The following AP3B1 variants were observed in gnomAD, a reference collection of about 807,000 sequenced individuals.
AP3B1 encodes AP-3 complex subunit beta-1.
A neutral mutation model predicts 132.5 loss-of-function variants in AP3B1; 61 were observed. The observed-to-expected ratio is 0.46, with a 90% confidence interval of 0.37 to 0.57. The LOEUF is 0.57. AP3B1 is among the 20% of genes least tolerant of loss of function. The pLI is 0.00. For synonymous variants in AP3B1, 388 were observed against 438.3 expected (o/e 0.89, Z 1.43); for missense variants, 1,120 against 1,289.4 (o/e 0.87, Z 2.01).
intron 25 of AP3B1, among the ~76,000 whole-genome samples, chr5:78,017,004 G>A (rs1303879868): frequency 2.6e-5 from 4 of 152,110 alleles, no homozygotes; most frequent in Middle Eastern, 3.4e-3. Context: ...CCTGTTTCCC[G>A]CAGCATGTAA....
intron 14 of AP3B1, among the ~76,000 whole-genome samples, chr5:78,145,504 G>A (rs1295935759): frequency 1.3e-5 from 2 of 152,176 alleles, no homozygotes; most frequent in East Asian, 1.9e-4. Context: ...ACTGGGTAGC[G>A]ACAAAATGAG....
chr5:78,084,585 G>C (rs1580325387), intron 22 of AP3B1, among the ~76,000 whole-genome samples: 1 of 141,896 alleles, frequency 7.0e-6, no homozygotes, highest in Admixed American at 7.0e-5. Flanking sequence ...GAAAAGGAAA[G>C]GAAAAAGACC....
chr5:78,056,896 C>T (rs1748838608), intron 22 of AP3B1, among the ~76,000 whole-genome samples: 2 of 152,310 alleles, frequency 1.3e-5, no homozygotes, highest in South Asian at 4.1e-4. Context: ...TTTTGTACTA[C>T]AAGCCGAAAA....
At chr5:78,240,021 T>A (rs1747058072) in intron 3 of AP3B1, among the ~76,000 whole-genome samples, 1 of 152,140 alleles carries the variant, frequency 6.6e-6, no homozygotes, top group Non-Finnish European at 1.5e-5. Context: ...AAATCATAAC[T>A]ACAAAATTAG....
At chr5:78,158,895 G>A (rs529836278) in intron 13 of AP3B1, among the ~76,000 whole-genome samples, 3 of 151,964 alleles carry the variant, frequency 2.0e-5, no homozygotes, top group South Asian at 4.2e-4. Flanking sequence ...ATGGGGTTTC[G>A]CCATGTTGGG....
chr5:78,199,824 C>T (rs944579921), intron 7 of AP3B1, among the ~76,000 whole-genome samples: 3 of 151,954 alleles, frequency 2.0e-5, no homozygotes, highest in Non-Finnish European at 2.9e-5. Flanking sequence ...CTCCACAAAA[C>T]ACCAACTTAA....
chr5:78,128,156 T>G lies in AP3B1; in HGVS notation c.1842A>C (p.Arg614Ser). The stretch of plus-strand genomic sequence containing the variant: ...ATAAGGTGCCAAGCTGGAAATGATC[T>G]CTATCTATTAAAAATAGGGAAAAAT... ...APLLESPFKD[R>S]DHFQLGTLSH... The change falls in exon 17 of 27, where the codon AGA (arginine) becomes AGC (serine). Residue 614 changes from arginine (R) to serine (S), a missense_variant. Physicochemically the swap from Arg to Ser is moderately radical, Grantham distance 110. Transcript: ENST00000255194. 1 of 1,602,280 alleles carries G rather than the reference T, an allele frequency of 6.2e-7. No homozygotes were observed. The highest frequency in any genetic ancestry group is 1.7e-5 in the Admixed American group (1 of 59,890).
intron 8 of AP3B1, among the ~76,000 whole-genome samples, chr5:78,179,427 C>T (rs1478661378): frequency 1.3e-5 from 2 of 152,064 alleles, no homozygotes; most frequent in African/African-American, 2.4e-5. Flanking sequence ...TCTTTTTCCT[C>T]GGTATTTAGA....
At chr5:78,145,145 T>C (rs532385474) in intron 14 of AP3B1, among the ~76,000 whole-genome samples, 2 of 152,364 alleles carry the variant, frequency 1.3e-5, no homozygotes, top group African/African-American at 4.8e-5. Flanking sequence ...GAATTCAAAA[T>C]GTAAAATACA....
chr5:78,073,245 G>C (rs1749621933), intron 22 of AP3B1, among the ~76,000 whole-genome samples: 1 of 152,094 alleles, frequency 6.6e-6, no homozygotes, highest in Admixed American at 6.6e-5. Flanking sequence ...CTCATGTTAA[G>C]AGATTTAATA....
At chr5:78,219,827 C>G (rs1746106078) in intron 6 of AP3B1, among the ~76,000 whole-genome samples, 2 of 152,054 alleles carry the variant, frequency 1.3e-5, no homozygotes, top group Admixed American at 1.3e-4. Context: ...TCAAAATCAA[C>G]AGAGGTTAAA....
intron 15 of AP3B1, among the ~76,000 whole-genome samples, chr5:78,136,851 A>C (rs1470089394): frequency 2.6e-5 from 4 of 152,188 alleles, no homozygotes; most frequent in Admixed American, 1.3e-4. Context: ...ATGATTTTAG[A>C]AGCATACATG....
At chr5:78,018,682 A>ACT (rs1365568393) in intron 25 of AP3B1, among the ~76,000 whole-genome samples, 3 of 151,824 alleles carry the variant, frequency 2.0e-5, no homozygotes, top group African/African-American at 7.3e-5. Flanking sequence ...ACACACACAC[A>ACT]CACACACACA....
At chr5:78,275,988 A>G (rs1441913162) in intron 1 of AP3B1, among the ~76,000 whole-genome samples, 2 of 152,228 alleles carry the variant, frequency 1.3e-5, no homozygotes, top group Non-Finnish European at 2.9e-5. Context: ...TTTGAAAGGT[A>G]TAAGAATCAG....
intron 18 of AP3B1, 67 bp downstream of exon 18, chr5:78,116,059 T>C (rs1228804032): frequency 2.5e-6 from 3 of 1,195,472 alleles, no homozygotes; most frequent in Non-Finnish European, 3.7e-6. Context: ...GGATTAGGCC[T>C]TGTTTCTGAG....
intron 1 of AP3B1, among the ~76,000 whole-genome samples, chr5:78,275,561 C>T (rs1291081910): frequency 1.3e-5 from 2 of 152,000 alleles, no homozygotes; most frequent in East Asian, 1.9e-4. Context: ...CTGCAACCTC[C>T]GCCTCCCGGG....
intron 7 of AP3B1, among the ~76,000 whole-genome samples, chr5:78,197,837 A>G (rs149225575): frequency 3.1e-3 from 478 of 152,366 alleles, no homozygotes; most frequent in Non-Finnish European, 5.2e-3. Flanking sequence ...GTGAGCAGTA[A>G]CAATGGACTT....
At chr5:78,043,878 G>C in intron 22 of AP3B1, 1 of 356,998 alleles carries the variant, frequency 2.8e-6, no homozygotes, top group Non-Finnish European at 5.5e-6. Context: ...GACCAAGGCT[G>C]ATCTCCTAAT....
At chr5:78,032,674 C>T (rs1255708899) in intron 24 of AP3B1, among the ~76,000 whole-genome samples, 1 of 151,684 alleles carries the variant, frequency 6.6e-6, no homozygotes, top group East Asian at 1.9e-4. Context: ...AGACAAAGTG[C>T]TCTTTTTGGA....
Sources: gnomAD v4.1 joint callset for allele counts (sites outside exome capture counted in the v4.1 genomes callset) on GRCh38, gnomAD v4.1.1 for gene constraint, MANE v1.5 for transcripts, NCBI Gene and HGNC (gene_info 2026-07-23, HGNC 2026-07-21) for gene names.